The following WWOX variants were observed in gnomAD, a reference collection of about 807,000 sequenced individuals.
The protein encoded by WWOX is WW domain-containing oxidoreductase.
In WWOX, 69 loss-of-function variants were observed where a neutral mutation model predicts 46.2. That is an observed-to-expected ratio of 1.49 (90% CI 1.23 to 1.82). The LOEUF (loss-of-function observed/expected upper bound fraction) is 1.82. Among genes scored for constraint, WWOX ranks in the 40% most tolerant of loss-of-function variants. The pLI is 0.00. For missense variants in WWOX, 919 were observed against 542.6 expected, an observed-to-expected ratio of 1.69 and a Z score of -6.89; for synonymous variants, 359 against 202.6, an observed-to-expected ratio of 1.77 and a Z score of -6.56.
chr16:78,987,028 G>A (rs190593098), intron 8 of WWOX, among the ~76,000 whole-genome samples: 127 of 152,206 alleles, frequency 8.3e-4, no homozygotes, highest in Middle Eastern at 3.4e-3. Context: ...GCTGGCTGGG[G>A]AAATGATCCT....
At chr16:78,411,323 G>A (rs968710139) in intron 6 of WWOX, among the ~76,000 whole-genome samples, 2 of 152,094 alleles carry the variant, frequency 1.3e-5, no homozygotes, top group Non-Finnish European at 2.9e-5. Flanking sequence ...GCCATTGTGT[G>A]TTTATATATT....
intron 5 of WWOX, among the ~76,000 whole-genome samples, chr16:78,378,131 TA>T (rs2081873061): frequency 6.6e-6 from 1 of 151,430 alleles, no homozygotes; most frequent in Admixed American, 6.6e-5. Context: ...GCCCCCTGCC[TA>T]AAAAAAAGGA....
chr16:78,323,043 A>G (rs947262742), intron 5 of WWOX, among the ~76,000 whole-genome samples: 25 of 151,856 alleles, frequency 1.6e-4, no homozygotes, highest in African/African-American at 6.1e-4. Context: ...CTCTGTCTCA[A>G]AAAGAAGAAA....
intron 8 of WWOX, among the ~76,000 whole-genome samples, chr16:78,687,551 C>G (rs2047891534): frequency 1.3e-5 from 2 of 152,074 alleles, no homozygotes; most frequent in Admixed American, 1.3e-4. Context: ...TCGGAATACG[C>G]AGACATATAC....
At chr16:78,557,880 A>G (rs2044344095) in intron 8 of WWOX, among the ~76,000 whole-genome samples, 1 of 151,836 alleles carries the variant, frequency 6.6e-6, no homozygotes. Context: ...ATTTTTTAGT[A>G]GAAACAGTGT....
At chr16:79,192,095 T>C (rs386497) in intron 8 of WWOX, among the ~76,000 whole-genome samples, 66,193 of 152,152 alleles carry the variant, frequency 0.44, 17,185 homozygotes, top group Non-Finnish European at 0.59. Context: ...CATAGGGTAT[T>C]TCCAGATAAT....
chr16:78,997,634 C>T (rs957984803), intron 8 of WWOX, among the ~76,000 whole-genome samples: 1 of 152,054 alleles, frequency 6.6e-6, no homozygotes, highest in African/African-American at 2.4e-5. Context: ...GGTGAATTTG[C>T]ACTAGTATTT....
At chr16:78,336,105 C>G (rs963268670) in intron 5 of WWOX, among the ~76,000 whole-genome samples, 1 of 150,544 alleles carries the variant, frequency 6.6e-6, no homozygotes, top group East Asian at 2.0e-4. Flanking sequence ...AAACGAAAAA[C>G]AAAAAAAACC....
chr16:78,966,202 A>C (rs2046360474), intron 8 of WWOX, among the ~76,000 whole-genome samples: 2 of 152,206 alleles, frequency 1.3e-5, no homozygotes, highest in African/African-American at 4.8e-5. Context: ...AGGAACAAAA[A>C]AGTCAGGTTG....
At chr16:78,971,298 T>C (rs560123998) in intron 8 of WWOX, among the ~76,000 whole-genome samples, 5 of 151,878 alleles carry the variant, frequency 3.3e-5, no homozygotes, top group Non-Finnish European at 7.4e-5. Flanking sequence ...ATCCCATCTC[T>C]ACTAAAAATA....
At chr16:78,996,283 C>T in intron 8 of WWOX, 3 of 984,894 alleles carry the variant, frequency 3.0e-6, no homozygotes, top group Non-Finnish European at 3.6e-6. Context: ...CTGGGTGCTC[C>T]CTGGAAGATG....
chr16:78,866,801 G>C (rs1338882946), intron 8 of WWOX, among the ~76,000 whole-genome samples: 2 of 152,204 alleles, frequency 1.3e-5, no homozygotes, highest in Non-Finnish European at 2.9e-5. Flanking sequence ...TCTTGAGCTA[G>C]GACCATATCC....
chr16:78,197,299 A>G (rs2036085062), intron 5 of WWOX, among the ~76,000 whole-genome samples: 1 of 152,242 alleles, frequency 6.6e-6, no homozygotes, highest in African/African-American at 2.4e-5. Flanking sequence ...ACAGTTTCTA[A>G]TACGATATTA....
chr16:78,629,314 C>T (rs1158662871), intron 8 of WWOX, among the ~76,000 whole-genome samples: 1 of 150,360 alleles, frequency 6.7e-6, no homozygotes, highest in African/African-American at 2.5e-5. Flanking sequence ...CCCAGGAGCA[C>T]ACTTGATAGC....
intron 8 of WWOX, among the ~76,000 whole-genome samples, chr16:78,652,408 C>CAAAAAAAAAAAAAA (rs747993811): frequency 1.8e-4 from 19 of 107,464 alleles, no homozygotes; most frequent in African/African-American, 3.3e-4. Context: ...GACTCCGTCT[C>CAAAAAAAAAAAAAA]AAAAAAAAAA....
intron 8 of WWOX, among the ~76,000 whole-genome samples, chr16:79,171,884 T>C (rs1227427218): frequency 6.6e-6 from 1 of 152,182 alleles, no homozygotes; most frequent in African/African-American, 2.4e-5. Context: ...GCTTTTAAAA[T>C]CTGAAATCCC....
chr16:78,625,669 A>G (rs185099479), intron 8 of WWOX, among the ~76,000 whole-genome samples: 1 of 151,664 alleles, frequency 6.6e-6, no homozygotes, highest in Non-Finnish European at 1.5e-5. Flanking sequence ...AAGTAATAGT[A>G]ATAATAATAC....
At chr16:78,502,905 G>A (rs1210987488) in intron 8 of WWOX, among the ~76,000 whole-genome samples, 3 of 152,086 alleles carry the variant, frequency 2.0e-5, no homozygotes, top group African/African-American at 7.2e-5. Flanking sequence ...TTTCTATTCT[G>A]GGCCTCCCTG....
chr16:78,476,767 A>G (rs545224886), intron 8 of WWOX, among the ~76,000 whole-genome samples: 4 of 152,308 alleles, frequency 2.6e-5, no homozygotes, highest in Non-Finnish European at 5.9e-5. Context: ...AGTGAAATGC[A>G]TATCTCTAAG....
Sources: gnomAD v4.1 joint callset for allele counts (sites outside exome capture counted in the v4.1 genomes callset) on GRCh38, gnomAD v4.1.1 for gene constraint, MANE v1.5 for transcripts, NCBI Gene and HGNC (gene_info 2026-07-23, HGNC 2026-07-21) for gene names.